The following DENND1A variants were observed in gnomAD, a reference collection of about 807,000 sequenced individuals.
The protein encoded by DENND1A is DENN domain-containing protein 1A.
A neutral mutation model predicts 113.7 loss-of-function variants in DENND1A; 51 were observed. That is an observed-to-expected ratio of 0.45 (90% CI 0.36 to 0.57). The LOEUF is 0.57. Among genes scored for constraint, DENND1A ranks in the 20% least tolerant of loss-of-function variants. DENND1A has a pLI of 0.00. For missense variants in DENND1A, 1,258 were observed against 1,395.9 expected, an observed-to-expected ratio of 0.90 and a Z score of 1.57; for synonymous variants, 565 against 570.8, an observed-to-expected ratio of 0.99 and a Z score of 0.14.
chr9:123,446,084 T>A (rs760788308), intron 18 of DENND1A, among the ~76,000 whole-genome samples: 18 of 152,110 alleles, frequency 1.2e-4, no homozygotes, highest in African/African-American at 3.9e-4. Context: ...CAGCACTGAG[T>A]CCCACTTGCC....
At chr9:123,443,285 C>T (rs1359530271) in intron 18 of DENND1A, among the ~76,000 whole-genome samples, 1 of 152,216 alleles carries the variant, frequency 6.6e-6, no homozygotes, top group Non-Finnish European at 1.5e-5. Context: ...TCGGAAGCTC[C>T]TGGCTACACT....
intron 2 of DENND1A, among the ~76,000 whole-genome samples, chr9:123,809,982 A>G (rs1476361300): frequency 7.2e-5 from 11 of 152,076 alleles, no homozygotes; most frequent in Non-Finnish European, 1.6e-4. Flanking sequence ...CAACAATGAG[A>G]ATTTTAAAGG....
At chr9:123,861,125 T>C (rs910859319) in intron 2 of DENND1A, among the ~76,000 whole-genome samples, 4 of 152,178 alleles carry the variant, frequency 2.6e-5, no homozygotes, top group East Asian at 1.9e-4. Flanking sequence ...TCCAGTCCAA[T>C]GCCTATTCCT....
chr9:123,810,826 T>C (rs1234153538), intron 2 of DENND1A, among the ~76,000 whole-genome samples: 1 of 151,660 alleles, frequency 6.6e-6, no homozygotes, highest in Non-Finnish European at 1.5e-5. Context: ...TGGTGCAATC[T>C]TGGCTCACTG....
At chr9:123,457,922 G>A (rs1374574583) in intron 13 of DENND1A, 25 bp from the exon 14 acceptor site, 1 of 1,573,130 alleles carries the variant, frequency 6.4e-7, no homozygotes, top group African/African-American at 1.4e-5. Context: ...GGGGAGAGGT[G>A]GGTCAGTGGC....
chr9:123,483,273 CTA>C (rs1369632709), intron 13 of DENND1A, among the ~76,000 whole-genome samples: 1 of 152,170 alleles, frequency 6.6e-6, no homozygotes, highest in African/African-American at 2.4e-5. Flanking sequence ...CATGCAGGGA[CTA>C]TGTTTTCAGT....
chr9:123,694,637 G>A lies in DENND1A; in HGVS notation c.303-17848C>T, dbSNP rs1589698181. 5.3e-5 allele frequency among the ~76,000 whole-genome samples: 8 copies of A among 152,180 alleles called. 1 individual carries two copies. The South Asian group carries it at 1.4e-3, about 28-fold the overall frequency. On this transcript the variant is annotated intron_variant, in intron 5 of 23. Coordinates refer to ENST00000394215, the MANE Select transcript of DENND1A (RefSeq NM_001352964.2). ...GTTTCTCTTGTCTGAATGTATAGTA[G>A]TGCAGTCGCTGTTTTCAATATCTAG...
At chr9:123,827,657 T>C (rs1327310591) in intron 2 of DENND1A, among the ~76,000 whole-genome samples, 1 of 152,050 alleles carries the variant, frequency 6.6e-6, no homozygotes, top group African/African-American at 2.4e-5. Flanking sequence ...CCCAACAGGA[T>C]GAAGAAGACA....
chr9:123,554,248 G>C (rs2057297871), intron 13 of DENND1A, among the ~76,000 whole-genome samples: 1 of 151,902 alleles, frequency 6.6e-6, no homozygotes, highest in Non-Finnish European at 1.5e-5. Flanking sequence ...TAAAAGACAG[G>C]GTCTCACCCT....
intron 4 of DENND1A, among the ~76,000 whole-genome samples, chr9:123,763,228 G>T (rs1329415738): frequency 6.6e-6 from 1 of 152,164 alleles, no homozygotes; most frequent in Non-Finnish European, 1.5e-5. Context: ...TAGGAGTAGA[G>T]AAAATAATCT....
At chr9:123,753,265 AG>A (rs1564200038) in intron 5 of DENND1A, among the ~76,000 whole-genome samples, 1 of 152,192 alleles carries the variant, frequency 6.6e-6, no homozygotes, top group Admixed American at 6.5e-5. Context: ...TATTTGTGGG[AG>A]GAGAAAAAAA....
intron 12 of DENND1A, among the ~76,000 whole-genome samples, chr9:123,571,619 TA>T (rs2058360082): frequency 6.6e-6 from 1 of 152,256 alleles, no homozygotes; most frequent in Non-Finnish European, 1.5e-5. Context: ...TTGCTTGGTG[TA>T]TCAAACGTTT....
At chr9:123,560,125 C>A (rs983276228) in intron 12 of DENND1A, among the ~76,000 whole-genome samples, 30 of 152,274 alleles carry the variant, frequency 2.0e-4, no homozygotes, top group Non-Finnish European at 4.0e-4. Flanking sequence ...TACTTCTTGG[C>A]TGTTATGAAT....
intron 22 of DENND1A, 77 bp from the exon 23 acceptor site, chr9:123,383,990 A>C: frequency 6.5e-7 from 1 of 1,545,062 alleles, no homozygotes; most frequent in Admixed American, 1.7e-5. Flanking sequence ...GCCCAAGCAC[A>C]TTGAGGGCTT....
chr9:123,891,960 C>A (rs73669012), intron 1 of DENND1A, among the ~76,000 whole-genome samples: 142 of 152,238 alleles, frequency 9.3e-4, no homozygotes, highest in African/African-American at 3.4e-3. Context: ...GGAGGGGGGA[C>A]CTAAGCAAAG....
rs978003951 is a variant in DENND1A, at chr9:123,418,129, T to C, written c.1489-6300A>G. On this transcript the variant is annotated intron_variant, in intron 19 of 23. Transcript: ENST00000394215. ...TGACGTCCTTGGTATAGAAAATGCA[T>C]TGGAGGAGGATGGGGTATGCTCCTA... Among the ~76,000 whole-genome samples the C allele has an allele frequency of 9.9e-5, 15 of 152,178 alleles. No individual in the cohort carries two copies. The South Asian group carries it at 2.3e-3, about 23-fold the overall frequency.
chr9:123,647,906 T>C (rs2062425945), intron 9 of DENND1A, among the ~76,000 whole-genome samples: 1 of 152,202 alleles, frequency 6.6e-6, no homozygotes, highest in Non-Finnish European at 1.5e-5. Flanking sequence ...GGGGTGTGTG[T>C]ATACCCACAA....
At chr9:123,926,933 G>A (rs1029945224) in intron 1 of DENND1A, among the ~76,000 whole-genome samples, 10 of 151,776 alleles carry the variant, frequency 6.6e-5, no homozygotes, top group African/African-American at 2.2e-4. Context: ...ACAGAAACAC[G>A]GATGAAGGGC....
intron 13 of DENND1A, among the ~76,000 whole-genome samples, chr9:123,498,714 TC>T (rs907118968): frequency 7.9e-6 from 1 of 127,016 alleles, no homozygotes; most frequent in Non-Finnish European, 1.7e-5. Flanking sequence ...ACTTAACCAG[TC>T]TCTCTCTCTC....
Sources: allele counts gnomAD v4.1 joint callset (sites outside exome capture counted in the v4.1 genomes callset), GRCh38; gene constraint gnomAD v4.1.1; transcripts MANE v1.5; gene names NCBI Gene and HGNC (gene_info 2026-07-23, HGNC 2026-07-21).